Variants in SMYD3 observed in about 807,000 individuals in gnomAD.
SMYD3 encodes the protein histone-lysine N-methyltransferase SMYD3.
SMYD3 carries 36 observed loss-of-function variants against 57.7 expected under a neutral mutation model. The ratio of observed to expected loss-of-function variants is 0.62; its 90% CI spans 0.48 to 0.82. The LOEUF is 0.82. SMYD3 is among the 40% of genes least tolerant of loss of function. The pLI, the probability that SMYD3 is intolerant of heterozygous loss-of-function variation, is 0.00. For synonymous variants in SMYD3, 211 were observed against 195.0 expected, an observed-to-expected ratio of 1.08 and a Z score of -0.68; for missense variants, 515 against 538.8, an observed-to-expected ratio of 0.96 and a Z score of 0.44.
rs539555067 is a variant in SMYD3 at position 245,823,422 on chromosome 1, G to A, written c.1076+35074C>T. On this transcript the variant is annotated intron_variant, in intron 10 of 11. Coordinates refer to ENST00000490107, the MANE Select transcript of SMYD3 (RefSeq NM_001167740.2). ...CTGGAGAAGTGCACCTTGGGAAGGC[G>A]ATGAAATGAAAGAAGGGCACATCCT... 5.3e-5 allele frequency among the ~76,000 whole-genome samples: 8 copies of A among 152,292 alleles called. No homozygotes were observed. In the East Asian group the frequency reaches 5.8e-4, roughly 11 times the overall value.
At chr1:246,248,635 C>T (rs202168439) in intron 5 of SMYD3, among the ~76,000 whole-genome samples, 2 of 68,330 alleles carry the variant, frequency 2.9e-5, no homozygotes, top group African/African-American at 6.5e-5. Flanking sequence ...CTCTGACTTT[C>T]CTTTTTTTTT....
chr1:245,995,049 C>T (rs986954572), intron 5 of SMYD3, among the ~76,000 whole-genome samples: 6 of 151,960 alleles, frequency 3.9e-5, no homozygotes, highest in South Asian at 2.1e-4. Flanking sequence ...GCCGAGATTG[C>T]GCCACTGCAC....
At chr1:245,905,791 A>G (rs1444464779) in intron 8 of SMYD3, among the ~76,000 whole-genome samples, 1 of 152,236 alleles carries the variant, frequency 6.6e-6, no homozygotes, top group African/African-American at 2.4e-5. Flanking sequence ...TCAGGTCTAC[A>G]TAAAAGCAGA....
In SMYD3 at chr1:245,930,035, C is replaced by T. The variant is rs41315440; in HGVS notation, c.532-98G>A. ...CGTTCAAACCCAAATGTAGGAGCATCTTAGTAGTTGCTTAAGAAAGAGCCA... is the reference window on the plus strand; with the variant it reads ...CGTTCAAACCCAAATGTAGGAGCATTTTAGTAGTTGCTTAAGAAAGAGCCA... On this transcript the variant is annotated intron_variant, in intron 5 of 11. Transcript: ENST00000490107. 3,458 of 964,260 alleles carry T rather than the reference C, an allele frequency of 3.6e-3. 16 individuals are homozygous for T. Among genetic ancestry groups the T allele is most frequent in the Non-Finnish European group, 4.6e-3 (2,797 of 606,478 alleles). The allele number at this position is 964,260 out of a possible 1,614,324, so 59.7% of individuals were successfully genotyped here.
At chr1:245,982,368 T>C (rs971464498) in intron 5 of SMYD3, among the ~76,000 whole-genome samples, 1 of 152,150 alleles carries the variant, frequency 6.6e-6, no homozygotes, top group African/African-American at 2.4e-5. Flanking sequence ...TTCAAACAAG[T>C]GTCCTACCTG....
At chr1:246,370,126 G>A (rs566995280) in intron 1 of SMYD3, among the ~76,000 whole-genome samples, 1 of 152,252 alleles carries the variant, frequency 6.6e-6, no homozygotes, top group South Asian at 2.1e-4. Context: ...TGTGGAGCCT[G>A]TGCCATCTGA....
At chr1:246,284,299 C>T (rs369067449) in intron 5 of SMYD3, among the ~76,000 whole-genome samples, 1 of 152,212 alleles carries the variant, frequency 6.6e-6, no homozygotes, top group African/African-American at 2.4e-5. Context: ...TTCAGCTTTC[C>T]TTTGACCATC....
intron 5 of SMYD3, chr1:246,035,133 T>A (rs2059748853): frequency 1.3e-5 from 2 of 152,190 alleles, no homozygotes; most frequent in South Asian, 4.1e-4. Flanking sequence ...TTAAACTCAA[T>A]TCTAAGTTAA....
chr1:246,306,798 A>G (rs2064986351), intron 5 of SMYD3, among the ~76,000 whole-genome samples: 1 of 152,196 alleles, frequency 6.6e-6, no homozygotes, highest in Non-Finnish European at 1.5e-5. Context: ...CTAATCCTAA[A>G]TGACTTGGCA....
Position 246,355,004 on chromosome 1 carries a change from C to A in SMYD3, c.228+27G>T. 1 of 1,608,194 alleles carries A rather than the reference C, an allele frequency of 6.2e-7. No individual in the cohort carries two copies. The highest frequency in any genetic ancestry group is 8.5e-7 in the Non-Finnish European group (1 of 1,175,304). On this transcript the variant is annotated intron_variant, in intron 2 of 11. Coordinates refer to ENST00000490107, the MANE Select transcript of SMYD3 (RefSeq NM_001167740.2). This position sits in a 1 kb window ranked among gnomAD's most constrained non-coding sequence, Gnocchi z 5.0. ...TTAAGAGTAAAGAATTTGAAAGCTT[C>A]ACTTATATATGGCTGAAAAGTCTTA...
chr1:246,199,287 C>T (rs1388500282), intron 5 of SMYD3, among the ~76,000 whole-genome samples: 1 of 152,140 alleles, frequency 6.6e-6, no homozygotes, highest in Admixed American at 6.5e-5. Context: ...GATCACGTGC[C>T]CTCTGTGAAG....
At chr1:246,114,006 T>A (rs2061300918) in intron 5 of SMYD3, 1 of 152,210 alleles carries the variant, frequency 6.6e-6, no homozygotes, top group East Asian at 1.9e-4. Flanking sequence ...CCAGGCAGAC[T>A]GGTGATGATA....
chr1:246,455,682 A>C (rs990160070), intron 1 of SMYD3, among the ~76,000 whole-genome samples: 1 of 152,264 alleles, frequency 6.6e-6, no homozygotes, highest in Non-Finnish European at 1.5e-5. Context: ...ATTGATAACC[A>C]TTCATTAACT....
intron 5 of SMYD3, among the ~76,000 whole-genome samples, chr1:246,008,418 A>T (rs140984344): frequency 2.1e-4 from 32 of 152,310 alleles, no homozygotes; most frequent in Non-Finnish European, 4.4e-4. Context: ...TCAGCCGAGG[A>T]CTGGCTTAGC....
intron 1 of SMYD3, among the ~76,000 whole-genome samples, chr1:246,384,856 C>T (rs1211382570): frequency 1.3e-5 from 2 of 152,178 alleles, no homozygotes; most frequent in Non-Finnish European, 1.5e-5. Context: ...TATTTACTAT[C>T]TGTCAAAAGA....
At chr1:246,506,154 T>C (rs1367620143) in intron 1 of SMYD3, among the ~76,000 whole-genome samples, 9 of 152,198 alleles carry the variant, frequency 5.9e-5, no homozygotes, top group Admixed American at 5.9e-4. Context: ...ATGCACAAAA[T>C]CATCGCACTC....
chr1:245,916,166 A>AG (rs59675915), intron 7 of SMYD3, among the ~76,000 whole-genome samples: 5,177 of 152,140 alleles, frequency 0.034, 158 homozygotes, highest in East Asian at 0.12. Flanking sequence ...TGGAAAAAAA[A>AG]GGGGGGGTAG....
At chr1:246,046,384 C>CAA (rs2059964600) in intron 5 of SMYD3, among the ~76,000 whole-genome samples, 1 of 152,040 alleles carries the variant, frequency 6.6e-6, no homozygotes, top group Non-Finnish European at 1.5e-5. Context: ...GACAGAAAAT[C>CAA]AAACACAGCA....
At chr1:246,152,195 C>A (rs59164024) in intron 5 of SMYD3, among the ~76,000 whole-genome samples, 2,238 of 152,218 alleles carry the variant, frequency 0.015, 52 homozygotes, top group African/African-American at 0.052. Context: ...CGGCAGGCAG[C>A]CCACATCCAG....
Sources: allele counts gnomAD v4.1 joint callset (sites outside exome capture counted in the v4.1 genomes callset), GRCh38; gene constraint gnomAD v4.1.1; non-coding constraint Gnocchi (gnomAD v3.1); transcripts MANE v1.5; gene names NCBI Gene and HGNC (gene_info 2026-07-23, HGNC 2026-07-21).